The following NLRC4 variants were observed in gnomAD, a reference collection of about 807,000 sequenced individuals.
The protein encoded by NLRC4 is NLR family CARD domain containing 4.
A neutral mutation model predicts 79.9 loss-of-function variants in NLRC4; 63 were observed. The ratio of observed to expected loss-of-function variants is 0.79; its 90% CI spans 0.64 to 0.97. The LOEUF (loss-of-function observed/expected upper bound fraction) is 0.97. NLRC4 is among the 50% of genes least tolerant of loss of function. The pLI, the probability that NLRC4 is intolerant of heterozygous loss-of-function variation, is 0.00. For synonymous variants in NLRC4, 461 were observed against 456.5 expected, an observed-to-expected ratio of 1.01 and a Z score of -0.12; for missense variants, 1,074 against 1,215.2, an observed-to-expected ratio of 0.88 and a Z score of 1.73.
intron 1 of NLRC4, among the ~76,000 whole-genome samples, chr2:32,258,896 AC>A (rs1313594132): frequency 2.0e-5 from 3 of 151,980 alleles, no homozygotes; most frequent in Admixed American, 6.6e-5. Context: ...CACATACACG[AC>A]CCCCTGCATC....
At position 32,251,448 on chromosome 2, in the gene NLRC4, A is replaced by G; in HGVS notation, c.416T>C (p.Leu139Pro). ...NLKSTFTEPV[L>P]WRKDQHHHRV... Reference sequence around the variant, plus strand: ...GTGATGGTGTTGGTCCTTCCTCCACAGGACAGGTTCTGTGAAGGTGCTTTT... The same window carrying G: ...GTGATGGTGTTGGTCCTTCCTCCACGGGACAGGTTCTGTGAAGGTGCTTTT... The change falls in exon 4 of 9, where the codon CTG (leucine) becomes CCG (proline). Residue 139 changes from leucine to proline, a missense_variant. Coordinates refer to ENST00000402280, the MANE Select transcript of NLRC4 (RefSeq NM_001199138.2). The G allele has an allele frequency of 1.9e-6, 3 of 1,614,174 alleles. No individual in the cohort carries two copies. Among genetic ancestry groups the G allele is most frequent in the Non-Finnish European group, 2.5e-6 (3 of 1,180,034 alleles).
At chr2:32,255,893 G>A (rs563202266) in intron 2 of NLRC4, among the ~76,000 whole-genome samples, 1 of 150,950 alleles carries the variant, frequency 6.6e-6, no homozygotes, top group African/African-American at 2.4e-5. Context: ...ACGCGCCTGT[G>A]GTCCCAGCTA....
chr2:32,253,964 C>CA (rs71407436), intron 2 of NLRC4, among the ~76,000 whole-genome samples: 77,051 of 107,716 alleles, frequency 0.72, 26,622 homozygotes, highest in Middle Eastern at 0.73. Flanking sequence ...AACTCTGTCT[C>CA]AAAAAAAAAA....
chr2:32,256,075 A>G (rs1427503092), intron 2 of NLRC4, among the ~76,000 whole-genome samples: 1 of 152,122 alleles, frequency 6.6e-6, no homozygotes, highest in African/African-American at 2.4e-5. Flanking sequence ...TTATTTTACT[A>G]TGTTATATCT....
chr2:32,232,343 A>G (rs912169181), intron 8 of NLRC4, among the ~76,000 whole-genome samples: 4 of 152,288 alleles, frequency 2.6e-5, no homozygotes, highest in African/African-American at 9.6e-5. Flanking sequence ...ACTTGTATTT[A>G]TCTCCCAAAT....
At chr2:32,226,532 G>A (rs1686402159) in intron 8 of NLRC4, among the ~76,000 whole-genome samples, 1 of 152,206 alleles carries the variant, frequency 6.6e-6, no homozygotes, top group South Asian at 2.1e-4. Flanking sequence ...CTTACCCATG[G>A]TCAGTGTCAC....
intron 8 of NLRC4, among the ~76,000 whole-genome samples, chr2:32,228,618 T>G (rs938725825): frequency 6.6e-6 from 1 of 152,116 alleles, no homozygotes; most frequent in African/African-American, 2.4e-5. Context: ...GATCCTAAGT[T>G]TTTCAGTAGA....
chr2:32,256,992 C>A, intron 1 of NLRC4, 99 bp from the exon 2 acceptor site: 1 of 494,982 alleles, frequency 2.0e-6, no homozygotes, highest in Non-Finnish European at 3.6e-6. Flanking sequence ...AAAATGGTGA[C>A]CCAAACCAGA....
intron 4 of NLRC4, among the ~76,000 whole-genome samples, chr2:32,244,807 C>G (rs1686890454): frequency 6.7e-6 from 1 of 148,276 alleles, no homozygotes; most frequent in African/African-American, 2.5e-5. Context: ...GAGAGACCTC[C>G]TCTCTACAAA....
Position 32,249,800 on chromosome 2 carries a change from T to C in NLRC4, c.2064A>G (p.Thr688=), listed in dbSNP as rs1687023400. The C allele has an allele frequency of 6.2e-7, 1 of 1,614,230 alleles. No individual in the cohort carries two copies. Among genetic ancestry groups the C allele is most frequent in the Non-Finnish European group, 8.5e-7 (1 of 1,180,046 alleles). The change falls in exon 4 of 9, where the codon ACA becomes ACG. Residue 688 remains threonine, a synonymous_variant. Transcript: ENST00000402280. ...ATCTCTTTATTTGCAGCCTGAGGCT[T>C]GTGGCAGAGCTGAATATTTTCCCCA... The part of the protein sequence containing the change: ...RYLGKIFSSA[T]SLRLQIKRCA...
intron 1 of NLRC4, among the ~76,000 whole-genome samples, chr2:32,258,421 G>A (rs890434094): frequency 6.6e-6 from 1 of 152,210 alleles, no homozygotes; most frequent in Non-Finnish European, 1.5e-5. Flanking sequence ...ACATTTGGGC[G>A]CCAAGGCAGG....
At position 32,238,167 on chromosome 2, in the gene NLRC4, G is replaced by A. The variant is rs1257862827; in HGVS notation, c.2486C>T (p.Ser829Phe). The change falls in exon 6 of 9, where the codon TCC becomes TTC. Residue 829 changes from serine to phenylalanine, a missense_variant. Ser to Phe is a radical substitution (Grantham distance 155, BLOSUM62 -2). Transcript: ENST00000402280. ...PCDLEEIQLV[S>F]CCLSANAVKI... is the part of the protein sequence containing the mutation. Reference sequence around the variant, plus strand: ...CACTGCATTTGCAGACAAGCAGCAGGAGACTAATTGAATTTCTTCAAGGTC... The same window carrying A: ...CACTGCATTTGCAGACAAGCAGCAGAAGACTAATTGAATTTCTTCAAGGTC... 1 of 1,613,728 alleles carries A rather than the reference G, an allele frequency of 6.2e-7. No homozygotes were observed. The highest frequency in any genetic ancestry group is 1.7e-5 in the Admixed American group (1 of 59,890).
chr2:32,258,264 C>T lies in NLRC4; in HGVS notation c.-118-1371G>A, dbSNP rs141147408. On this transcript the variant is annotated intron_variant, in intron 1 of 8. Transcript: ENST00000402280. The stretch of plus-strand genomic sequence containing the variant: ...CCGCCAGCATTCTCCCTTCAACGTC[C>T]TCTGGACGTCCAGCTGCTTGTATGT... Among the ~76,000 whole-genome samples the T allele has an allele frequency of 3.2e-3, 492 of 152,314 alleles. 1 individual carries two copies. Among genetic ancestry groups the T allele is most frequent in the Middle Eastern group, 6.8e-3 (2 of 294 alleles).
intron 6 of NLRC4, 86 bp downstream of exon 6, chr2:32,238,046 A>G: frequency 1.1e-6 from 1 of 936,994 alleles, no homozygotes. Flanking sequence ...TTAAATTTCC[A>G]TTTGAGACAT....
Position 32,241,058 on chromosome 2 carries a change from C to G in NLRC4, c.2325G>C (p.Met775Ile), listed in dbSNP as rs1306511824. Residue 775 changes from methionine (M) to isoleucine (I), a missense_variant, in exon 5 of 9, where the codon ATG becomes ATC. Transcript: ENST00000402280. ...LTKLIMDNIKMNEEDAIKLAE... is the reference protein window; with the variant it reads ...LTKLIMDNIKINEEDAIKLAE... Reference sequence around the variant, plus strand: ...CTAGTTTTATAGCATCTTCTTCATTCATCTTTATGTTATCCATTATGAGCT... The same window carrying G: ...CTAGTTTTATAGCATCTTCTTCATTGATCTTTATGTTATCCATTATGAGCT... 9 of 1,604,282 alleles carry G rather than the reference C, an allele frequency of 5.6e-6. No individual in the cohort carries two copies. The highest frequency in any genetic ancestry group is 1.7e-5 in the Admixed American group (1 of 59,814).
chr2:32,241,297 A>G (rs1245167792), intron 4 of NLRC4, among the ~76,000 whole-genome samples, 172 bp from the exon 5 acceptor site: 1 of 151,550 alleles, frequency 6.6e-6, no homozygotes, highest in African/African-American at 2.4e-5. Flanking sequence ...TGGGCATTAT[A>G]CTTCACTGTA....
At chr2:32,251,723 TC>T in intron 3 of NLRC4, 122 bp from the exon 4 acceptor site, 1 of 677,680 alleles carries the variant, frequency 1.5e-6, no homozygotes, top group Non-Finnish European at 2.6e-6. Context: ...TAATGTCCTT[TC>T]CCAGTTCTGA....
chr2:32,265,458 G>A (rs1687443995), upstream of NLRC4: 1 of 152,452 alleles, frequency 6.6e-6, no homozygotes, highest in Non-Finnish European at 1.5e-5. Flanking sequence ...TGGGATTACA[G>A]GCGTGAGCCA....
chr2:32,228,435 C>T (rs1686454467), intron 8 of NLRC4, among the ~76,000 whole-genome samples: 1 of 152,164 alleles, frequency 6.6e-6, no homozygotes, highest in Admixed American at 6.5e-5. Flanking sequence ...ACAGAACTCC[C>T]TATCAACTTG....
Sources: allele counts gnomAD v4.1 joint callset (sites outside exome capture counted in the v4.1 genomes callset), GRCh38; gene constraint gnomAD v4.1.1; transcripts MANE v1.5; gene names NCBI Gene and HGNC (gene_info 2026-07-23, HGNC 2026-07-21).